The following TGFA variants were observed in gnomAD, a reference collection of about 807,000 sequenced individuals.
TGFA encodes the protein transforming growth factor alpha, also known as protransforming growth factor alpha.
Under a neutral mutation model 21.7 loss-of-function variants are expected in TGFA, and 12 were observed. The observed-to-expected ratio is 0.55, with a 90% confidence interval of 0.35 to 0.90. The LOEUF is 0.90. Among genes scored for constraint, TGFA ranks in the 40% least tolerant of loss-of-function variants. The pLI is 0.01. For synonymous variants in TGFA, 79 were observed against 88.1 expected (o/e 0.90, Z 0.58); for missense variants, 178 against 210.8 (o/e 0.84, Z 0.96).
chr2:70,553,674 C>A (rs1559150592), intron 1 of TGFA, 54 bp downstream of exon 1: 2 of 1,327,394 alleles, frequency 1.5e-6, no homozygotes, highest in East Asian at 3.0e-5. Flanking sequence ...CGGCGGGGAC[C>A]GGGGGAAGCA....
At position 70,465,673 on chromosome 2, in the gene TGFA, T is replaced by C. The variant is rs1553492083; in HGVS notation, c.158A>G (p.Gln53Arg). 1 of 1,614,166 alleles carries C rather than the reference T, an allele frequency of 6.2e-7. No homozygotes were observed. Among genetic ancestry groups the C allele is most frequent in the East Asian group, 2.2e-5 (1 of 44,880 alleles). ...CCTGCAGGTTCCATGGAAGCAGAAC[T>C]GAGTGTGGGAATCTGGGCAGTCATT... ...HFNDCPDSHTQFCFHGTCRFL... is the reference protein window; with the variant it reads ...HFNDCPDSHTRFCFHGTCRFL... Residue 53 changes from glutamine (Q) to arginine (R), a missense_variant, in exon 3 of 6, where the codon CAG (glutamine) becomes CGG (arginine). Physicochemically the swap from Gln to Arg is conservative, Grantham distance 43. Transcript: ENST00000295400.
At chr2:70,474,112 A>G (rs1379510563) in intron 2 of TGFA, among the ~76,000 whole-genome samples, 2 of 152,196 alleles carry the variant, frequency 1.3e-5, no homozygotes, top group Non-Finnish European at 2.9e-5. Flanking sequence ...CTGATCATAC[A>G]CTGACTTTAG....
intron 2 of TGFA, among the ~76,000 whole-genome samples, chr2:70,485,381 G>A (rs191757729): frequency 0.014 from 2,122 of 152,238 alleles, 19 homozygotes; most frequent in Non-Finnish European, 0.024. Flanking sequence ...GGGATTACAG[G>A]TGCCCGCCAC....
intron 2 of TGFA, among the ~76,000 whole-genome samples, chr2:70,479,720 T>C (rs1201249938): frequency 1.3e-5 from 2 of 152,224 alleles, no homozygotes; most frequent in African/African-American, 4.8e-5. Flanking sequence ...TTACTGACTT[T>C]ACTGTGATAT....
chr2:70,465,541 G>A, intron 3 of TGFA, 75 bp downstream of exon 3: 4 of 1,582,896 alleles, frequency 2.5e-6, no homozygotes, highest in Non-Finnish European at 3.5e-6. Flanking sequence ...CAAGTCTTAT[G>A]GAGGTAAATG....
chr2:70,515,635 G>A (rs571165619), intron 1 of TGFA, among the ~76,000 whole-genome samples: 1 of 152,098 alleles, frequency 6.6e-6, no homozygotes, highest in African/African-American at 2.4e-5. Context: ...TGGATCAGGG[G>A]GAGTCAAGCA....
At position 70,450,590 on chromosome 2, in the gene TGFA, G is replaced by A. The variant is rs1179853717; in HGVS notation, c.*269C>T. The A allele has an allele frequency of 4.1e-6, 2 of 489,762 alleles. No homozygotes were observed. Among genetic ancestry groups the A allele is most frequent in the Non-Finnish European group, 7.4e-6 (2 of 268,802 alleles). The allele number at this position is 489,762 out of a possible 1,614,324, so 30.3% of individuals were successfully genotyped here. A position where few individuals can be genotyped will look rare whatever the true frequency, so the allele number is the denominator to read the frequency against. ...CAACTGCTGCACACACCTCACCTAG[G>A]TGAACAGGAGTCCGTCTCTTTGCAG... On this transcript the variant is annotated 3_prime_UTR_variant, in exon 6 of 6. Transcript: ENST00000295400.
chr2:70,548,058 A>G (rs1202709699), intron 1 of TGFA, among the ~76,000 whole-genome samples: 3 of 150,084 alleles, frequency 2.0e-5, no homozygotes, highest in Admixed American at 2.0e-4. Flanking sequence ...TTAAATTATA[A>G]TCTATTTTTT....
intron 1 of TGFA, among the ~76,000 whole-genome samples, chr2:70,540,179 C>T (rs1553505062): frequency 6.6e-6 from 1 of 152,136 alleles, no homozygotes; most frequent in Non-Finnish European, 1.5e-5. Context: ...TCAACATCAC[C>T]TAGGTAGGAG....
At chr2:70,540,564 A>G (rs1177021333) in intron 1 of TGFA, among the ~76,000 whole-genome samples, 2 of 152,228 alleles carry the variant, frequency 1.3e-5, no homozygotes, top group East Asian at 3.9e-4. Flanking sequence ...ATTTGAAGGT[A>G]ACTACATAAA....
intron 1 of TGFA, among the ~76,000 whole-genome samples, chr2:70,552,649 T>C (rs1223186684): frequency 6.6e-6 from 1 of 152,162 alleles, no homozygotes; most frequent in African/African-American, 2.4e-5. Context: ...AGGGCAGGCT[T>C]GCAGGCGGGG....
chr2:70,512,842 T>G (rs1025168245), intron 2 of TGFA, among the ~76,000 whole-genome samples: 3 of 152,180 alleles, frequency 2.0e-5, no homozygotes, highest in African/African-American at 7.2e-5. Flanking sequence ...TGCATGGCAG[T>G]GTCAGCACTT....
chr2:70,463,625 A>G (rs1670466303), intron 3 of TGFA, among the ~76,000 whole-genome samples: 1 of 152,170 alleles, frequency 6.6e-6, no homozygotes, highest in African/African-American at 2.4e-5. Flanking sequence ...AGAACTTGGT[A>G]AAGACCTGCC....
chr2:70,469,458 C>T (rs1368824189), intron 2 of TGFA, among the ~76,000 whole-genome samples: 1 of 152,158 alleles, frequency 6.6e-6, no homozygotes, highest in Non-Finnish European at 1.5e-5. Context: ...CCTCAGCCTC[C>T]AGAGTAGCTG....
Position 70,553,820 on chromosome 2 carries a change from C to A in TGFA, c.-53G>T, listed in dbSNP as rs1553507247. 1.6e-6 allele frequency: 2 copies of A among 1,248,222 alleles called. No individual in the cohort carries two copies. The highest frequency in any genetic ancestry group is 1.5e-5 in the African/African-American group (1 of 64,526). The allele number at this position is 1,248,222 out of a possible 1,614,324, so 77.3% of individuals were successfully genotyped here. On this transcript the variant is annotated 5_prime_UTR_variant, in exon 1 of 6. Coordinates refer to ENST00000295400, the MANE Select transcript of TGFA (RefSeq NM_003236.4). ...CCAGCCTCCTGCCCTACCTGCGGTG[C>A]CCGAGTGGCGGAGCGGCGCCGCGGT...
intron 1 of TGFA, among the ~76,000 whole-genome samples, chr2:70,536,204 C>A (rs1672962488): frequency 6.6e-6 from 1 of 152,304 alleles, no homozygotes. Context: ...AGTTACTAAG[C>A]AATCCTTAAT....
chr2:70,454,462 C>T (rs1242378233), intron 4 of TGFA, among the ~76,000 whole-genome samples: 1 of 152,232 alleles, frequency 6.6e-6, no homozygotes, highest in African/African-American at 2.4e-5. Flanking sequence ...GTTGCAGAGT[C>T]TGGGCTGGAA....
rs549218547 is a variant in TGFA, at chr2:70,543,027, C to T, written c.40+10701G>A. Among the ~76,000 whole-genome samples the T allele has an allele frequency of 7.4e-3, 1,126 of 151,872 alleles. 19 individuals carry two copies. The highest frequency in any genetic ancestry group is 0.025 in the African/African-American group (1,033 of 41,398). ...CTGAAGCAGGAGAATCGCTTGAACC[C>T]GGGAGGTGGAGGTTGCAGTGAGCCA... On this transcript the variant is annotated intron_variant, in intron 1 of 5. Coordinates refer to ENST00000295400, the MANE Select transcript of TGFA (RefSeq NM_003236.4).
chr2:70,518,459 T>A (rs1672353928), intron 1 of TGFA, among the ~76,000 whole-genome samples: 2 of 152,118 alleles, frequency 1.3e-5, no homozygotes, highest in Non-Finnish European at 2.9e-5. Flanking sequence ...GGTACTCAGG[T>A]AAATGTTCCC....
Sources: gnomAD v4.1 joint callset for allele counts (sites outside exome capture counted in the v4.1 genomes callset) on GRCh38, gnomAD v4.1.1 for gene constraint, MANE v1.5 for transcripts, NCBI Gene and HGNC (gene_info 2026-07-23, HGNC 2026-07-21) for gene names.